The following TG variants were observed in gnomAD, a reference collection of about 807,000 sequenced individuals.
TG encodes the protein thyroid hormones.
TG carries 270 observed loss-of-function variants against 324.7 expected under a neutral mutation model. The ratio of observed to expected loss-of-function variants is 0.83; its 90% CI spans 0.75 to 0.92. The LOEUF is 0.92. Ranked by LOEUF, TG falls within the 40% of genes least tolerant of loss-of-function variation. The probability of loss-of-function intolerance (pLI) is 0.00; values close to 1 mark genes in which losing one functional copy is unlikely to be tolerated. For synonymous variants in TG, 1,401 were observed against 1,327.0 expected (o/e 1.06, Z -1.21); for missense variants, 3,591 against 3,456.4 (o/e 1.04, Z -0.98).
chr8:132,929,950 C>T (rs1457452733), intron 23 of TG, among the ~76,000 whole-genome samples: 1 of 152,122 alleles, frequency 6.6e-6, no homozygotes, highest in Non-Finnish European at 1.5e-5. Flanking sequence ...GTCCCTCACC[C>T]AGGTAGTGAG....
At chr8:132,910,594 A>AC (rs35059390) in intron 18 of TG, among the ~76,000 whole-genome samples, 62,337 of 151,848 alleles carry the variant, frequency 0.41, 15,581 homozygotes, top group Admixed American at 0.54. Context: ...TATAAAAGAG[A>AC]CCCAGAGAGA....
chr8:133,021,859 C>G (rs1323736595), intron 39 of TG, 132 bp from the exon 40 acceptor site: 1 of 1,069,498 alleles, frequency 9.4e-7, no homozygotes, highest in South Asian at 1.3e-5. Context: ...GGACACAGCT[C>G]CATCCACTGC....
intron 8 of TG, 69 bp downstream of exon 8, chr8:132,883,068 C>T (rs767432336): frequency 6.6e-7 from 1 of 1,524,474 alleles, no homozygotes; most frequent in African/African-American, 1.4e-5. Flanking sequence ...TCCAGACCAA[C>T]CTCTCTGGAC....
At chr8:133,101,001 G>A (rs1043793854) in intron 43 of TG, among the ~76,000 whole-genome samples, 2 of 152,056 alleles carry the variant, frequency 1.3e-5, no homozygotes, top group Admixed American at 6.5e-5. Context: ...AGGTTTACCG[G>A]GTGTCTCTAG....
rs1012943805 is a variant in TG at position 132,946,140 on chromosome 8, G to A, written c.5234-2636G>A. 2.6e-5 allele frequency among the ~76,000 whole-genome samples: 4 copies of A among 151,138 alleles called. No homozygotes were observed. The South Asian group carries it at 8.4e-4, about 32-fold the overall frequency. On this transcript the variant is annotated intron_variant, in intron 26 of 47. Coordinates refer to ENST00000220616, the MANE Select transcript of TG (RefSeq NM_003235.5). The stretch of plus-strand genomic sequence containing the variant: ...TAACTCAAATCCAGGATTCCTCTTT[G>A]AACTAAATGTATTTTCTGAAGATAC...
At chr8:133,049,927 T>C in intron 41 of TG, 1 of 1,612,990 alleles carries the variant, frequency 6.2e-7, no homozygotes, top group Non-Finnish European at 8.5e-7. Context: ...GCCACACATA[T>C]TCCAGGGATG....
At chr8:132,940,245 G>T (rs1824253677) in intron 25 of TG, among the ~76,000 whole-genome samples, 1 of 152,172 alleles carries the variant, frequency 6.6e-6, no homozygotes, top group Non-Finnish European at 1.5e-5. Flanking sequence ...AGGCCCTGGT[G>T]TTCTGTCCAC....
chr8:132,922,413 G>C (rs982333274), intron 21 of TG, among the ~76,000 whole-genome samples: 1 of 152,148 alleles, frequency 6.6e-6, no homozygotes, highest in Non-Finnish European at 1.5e-5. Context: ...AACCATACCT[G>C]GTCTGTGCCT....
chr8:132,937,795 G>A (rs1471378393), intron 25 of TG, among the ~76,000 whole-genome samples: 1 of 151,612 alleles, frequency 6.6e-6, no homozygotes, highest in Non-Finnish European at 1.5e-5. Context: ...GAAAGTCCTA[G>A]TGTTTGTTAT....
intron 41 of TG, among the ~76,000 whole-genome samples, chr8:133,062,182 G>A (rs546238228): frequency 1.2e-3 from 185 of 152,170 alleles, no homozygotes; most frequent in Non-Finnish European, 2.2e-3. Flanking sequence ...TTTGAGGCTC[G>A]GGCCCTTCTT....
intron 37 of TG, among the ~76,000 whole-genome samples, chr8:133,016,581 A>C (rs1835047895): frequency 6.6e-6 from 1 of 152,234 alleles, no homozygotes; most frequent in African/African-American, 2.4e-5. Context: ...ATTTTTATAG[A>C]AGGATCTGCA....
Position 133,096,332 on chromosome 8 carries a change from T to G in TG, c.7531T>G (p.Ser2511Ala). Residue 2511 changes from serine to alanine, a missense_variant, in exon 43 of 48, where the codon TCT becomes GCT. By Grantham distance (99) the Ser-to-Ala change is moderately conservative. Coordinates refer to ENST00000220616, the MANE Select transcript of TG (RefSeq NM_003235.5). ...AGAGGTCGATCTGCTCATTGGGAGTTCTCAGGACGACGGGCTCATCAACAG... is the reference window on the plus strand; with the variant it reads ...AGAGGTCGATCTGCTCATTGGGAGTGCTCAGGACGACGGGCTCATCAACAG... ...WVEVDLLIGSSQDDGLINRAK... is the reference protein window; with the variant it reads ...WVEVDLLIGSAQDDGLINRAK... 6.2e-7 allele frequency: 1 copy of G among 1,614,106 alleles called. No homozygotes were observed. Among genetic ancestry groups the G allele is most frequent in the Non-Finnish European group, 8.5e-7 (1 of 1,180,020 alleles).
chr8:132,913,256 C>T lies in TG; in HGVS notation c.4369C>T (p.Leu1457=). Residue 1457 remains leucine, a synonymous_variant, in exon 20 of 48, where the codon CTG becomes TTG. Coordinates refer to ENST00000220616, the MANE Select transcript of TG (RefSeq NM_003235.5). ...GACAAGTGAGGCCAGTCAGGACGGA[C>T]TGGGATGCGGTAGGTCCACTCTCTC... is the stretch of plus-strand genomic sequence containing the variant. ...VLTSEASQDG[L]GCVKCPEGSY... The T allele has an allele frequency of 6.2e-7, 1 of 1,614,044 alleles. No individual in the cohort carries two copies. The highest frequency in any genetic ancestry group is 1.3e-5 in the African/African-American group (1 of 75,034).
At position 132,881,277 on chromosome 8, in the gene TG, C is replaced by T. The variant is rs529801300; in HGVS notation, c.639-586C>T. On this transcript the variant is annotated intron_variant, in intron 5 of 47. Coordinates refer to ENST00000220616, the MANE Select transcript of TG (RefSeq NM_003235.5). ...TTAGAGAATCTCTTTCTTCAGTTTACGGAAAGAGATGGATAGCCCTTGTTA... is the reference window on the plus strand; with the variant it reads ...TTAGAGAATCTCTTTCTTCAGTTTATGGAAAGAGATGGATAGCCCTTGTTA... 1.5e-4 allele frequency among the ~76,000 whole-genome samples: 23 copies of T among 152,198 alleles called. No homozygotes were observed. The South Asian group carries it at 4.6e-3, about 30-fold the overall frequency.
At chr8:133,066,429 T>C (rs1034030392) in intron 41 of TG, among the ~76,000 whole-genome samples, 3 of 151,696 alleles carry the variant, frequency 2.0e-5, no homozygotes, top group Middle Eastern at 3.4e-3. Flanking sequence ...TTCATAAAAA[T>C]GTGCCACTCA....
chr8:133,032,086 C>T (rs942331279), intron 41 of TG, among the ~76,000 whole-genome samples: 1 of 152,130 alleles, frequency 6.6e-6, no homozygotes, highest in African/African-American at 2.4e-5. Context: ...CCACACAGCA[C>T]ATCTTAGAGT....
At chr8:132,962,733 G>A (rs1049123699) in intron 28 of TG, among the ~76,000 whole-genome samples, 1 of 152,158 alleles carries the variant, frequency 6.6e-6, no homozygotes, top group African/African-American at 2.4e-5. Flanking sequence ...ATATTTATGA[G>A]CATATTTTGT....
intron 43 of TG, chr8:133,102,812 G>A (rs988927412): frequency 4.3e-6 from 2 of 464,136 alleles, no homozygotes; most frequent in East Asian, 4.0e-5. Flanking sequence ...CAAGGAAGGC[G>A]AGAAAAATCA....
chr8:133,020,898 T>C (rs1835500967), intron 39 of TG, among the ~76,000 whole-genome samples: 1 of 152,168 alleles, frequency 6.6e-6, no homozygotes, highest in Non-Finnish European at 1.5e-5. Flanking sequence ...GGGGCCCCTT[T>C]GTAGAAACAT....
Sources: allele counts gnomAD v4.1 joint callset (sites outside exome capture counted in the v4.1 genomes callset), GRCh38; gene constraint gnomAD v4.1.1; transcripts MANE v1.5; gene names NCBI Gene and HGNC (gene_info 2026-07-23, HGNC 2026-07-21).